DAB1: variants seen among roughly 807,000 people sequenced by gnomAD.
The protein encoded by DAB1 is DAB adaptor protein 1.
In DAB1, 15 loss-of-function variants were observed where a neutral mutation model predicts 64.6. The ratio of observed to expected loss-of-function variants is 0.23; its 90% CI spans 0.16 to 0.36. The LOEUF (loss-of-function observed/expected upper bound fraction) is 0.36. DAB1 is among the 10% of genes least tolerant of loss of function. DAB1 has a pLI of 1.00. For missense variants in DAB1, 596 were observed against 706.7 expected (o/e 0.84, Z 1.78); for synonymous variants, 235 against 251.9 (o/e 0.93, Z 0.64).
At chr1:57,439,992 C>G (rs1019883883) in intron 7 of DAB1, among the ~76,000 whole-genome samples, 6 of 152,016 alleles carry the variant, frequency 3.9e-5, no homozygotes, top group African/African-American at 1.4e-4. Flanking sequence ...ATTATATGCC[C>G]CTGATAATAC....
chr1:57,338,452 A>C (rs1445576726), intron 1 of DAB1, among the ~76,000 whole-genome samples: 1 of 152,198 alleles, frequency 6.6e-6, no homozygotes, highest in Non-Finnish European at 1.5e-5. Context: ...GCATATATGT[A>C]TTAAAAAATA....
intron 5 of DAB1, among the ~76,000 whole-genome samples, chr1:58,054,361 A>T (rs2100535473): frequency 6.6e-6 from 1 of 152,150 alleles, no homozygotes; most frequent in East Asian, 1.9e-4. Flanking sequence ...CATACCATTC[A>T]TTTTTGGTCC....
chr1:57,541,507 G>C (rs910397918), intron 7 of DAB1, among the ~76,000 whole-genome samples: 2 of 152,202 alleles, frequency 1.3e-5, no homozygotes, highest in Admixed American at 6.5e-5. Context: ...CATAGTGCCA[G>C]TATAACAAAG....
At chr1:58,372,704 G>A (rs183384448) in intron 3 of DAB1, among the ~76,000 whole-genome samples, 2,012 of 152,274 alleles carry the variant, frequency 0.013, 18 homozygotes, top group Non-Finnish European at 0.019. Flanking sequence ...TGGGGTGATT[G>A]CATCATGAGG....
chr1:57,692,131 T>C (rs1646771720), intron 6 of DAB1, among the ~76,000 whole-genome samples: 1 of 152,124 alleles, frequency 6.6e-6, no homozygotes, highest in South Asian at 2.1e-4. Context: ...AGTCTCAAAG[T>C]CACGTTGCCC....
chr1:57,327,062 CT>C (rs1454688060), intron 1 of DAB1, among the ~76,000 whole-genome samples: 1 of 152,180 alleles, frequency 6.6e-6, no homozygotes, highest in Non-Finnish European at 1.5e-5. Context: ...CATCAGCCCC[CT>C]GAGTATCTGG....
chr1:57,689,544 A>C (rs930153306), intron 6 of DAB1, among the ~76,000 whole-genome samples: 4 of 152,176 alleles, frequency 2.6e-5, no homozygotes, highest in African/African-American at 9.6e-5. Context: ...ATGGAGGCCT[A>C]ATCTGAGCAT....
At chr1:57,248,045 C>CT (rs1263400049) in intron 2 of DAB1, among the ~76,000 whole-genome samples, 4 of 152,116 alleles carry the variant, frequency 2.6e-5, no homozygotes, top group Non-Finnish European at 5.9e-5. Flanking sequence ...TTCCAGGACC[C>CT]TTGTGGATAC....
intron 3 of DAB1, among the ~76,000 whole-genome samples, chr1:58,492,674 G>C (rs1464462873): frequency 2.0e-5 from 3 of 152,116 alleles, no homozygotes; most frequent in African/African-American, 2.4e-5. Context: ...GGAAGAAATG[G>C]ATAAATTCCT....
chr1:57,490,488 C>T (rs1352957176), intron 7 of DAB1, among the ~76,000 whole-genome samples: 1 of 151,934 alleles, frequency 6.6e-6, no homozygotes, highest in Non-Finnish European at 1.5e-5. Flanking sequence ...ATTGCCTAGG[C>T]TGCTTTAACT....
At chr1:57,907,922 T>TACAC (rs372543898) in intron 5 of DAB1, among the ~76,000 whole-genome samples, 1,525 of 145,490 alleles carry the variant, frequency 0.01, 14 homozygotes, top group Non-Finnish European at 0.014. Flanking sequence ...AATATATATA[T>TACAC]ACACACACAC....
intron 2 of DAB1, among the ~76,000 whole-genome samples, chr1:57,263,330 G>T (rs1229074225): frequency 6.6e-6 from 1 of 152,090 alleles, no homozygotes; most frequent in Non-Finnish European, 1.5e-5. Context: ...ATGCTGACCA[G>T]GCTGGTTTCG....
At chr1:57,717,785 A>G (rs1214891446) in intron 6 of DAB1, among the ~76,000 whole-genome samples, 1 of 152,186 alleles carries the variant, frequency 6.6e-6, no homozygotes, top group Non-Finnish European at 1.5e-5. Context: ...TTATTCAGCC[A>G]TAAAAAATAA....
chr1:56,998,727 A>T (rs1645729470), intron 14 of DAB1, among the ~76,000 whole-genome samples: 1 of 152,158 alleles, frequency 6.6e-6, no homozygotes, highest in Admixed American at 6.5e-5. Context: ...TCTCTTAATC[A>T]CAAACTTCTG....
At chr1:57,134,986 G>A (rs1657958960) in intron 4 of DAB1, among the ~76,000 whole-genome samples, 1 of 152,132 alleles carries the variant, frequency 6.6e-6, no homozygotes, top group Admixed American at 6.5e-5. Flanking sequence ...TCACCTCATA[G>A]GAATGTTGCA....
At chr1:57,315,919 G>A (rs1484468502) in intron 1 of DAB1, among the ~76,000 whole-genome samples, 2 of 152,186 alleles carry the variant, frequency 1.3e-5, no homozygotes, top group Non-Finnish European at 2.9e-5. Context: ...AGCAGCTATA[G>A]AGACCCTATT....
At chr1:57,429,376 T>A (rs1393988323) in intron 7 of DAB1, among the ~76,000 whole-genome samples, 1 of 152,206 alleles carries the variant, frequency 6.6e-6, no homozygotes, top group Admixed American at 6.5e-5. Context: ...ATTCCTTACA[T>A]ATTTTGAGTA....
intron 3 of DAB1, chr1:58,469,004 G>A (rs1173843479): frequency 8.2e-6 from 2 of 244,032 alleles, no homozygotes; most frequent in African/African-American, 2.3e-5. Flanking sequence ...TTCATCCTCC[G>A]TCTTATGAAA....
chr1:58,361,339 C>T (rs1644162367), intron 3 of DAB1, among the ~76,000 whole-genome samples: 1 of 152,228 alleles, frequency 6.6e-6, no homozygotes, highest in Non-Finnish European at 1.5e-5. Context: ...CCACTAGGTG[C>T]ATTCTGCTCT....
Sources: gnomAD v4.1 joint callset for allele counts (sites outside exome capture counted in the v4.1 genomes callset) on GRCh38, gnomAD v4.1.1 for gene constraint, MANE v1.5 for transcripts, NCBI Gene and HGNC (gene_info 2026-07-23, HGNC 2026-07-21) for gene names.